HRH1: variants seen among roughly 807,000 people sequenced by gnomAD.
The protein encoded by HRH1 is histamine H1 receptor.
Under a neutral mutation model 10.3 loss-of-function variants are expected in HRH1, and 6 were observed. That is an observed-to-expected ratio of 0.58 (90% confidence interval 0.32 to 1.15). The LOEUF (loss-of-function observed/expected upper bound fraction) is 1.15. Among genes scored for constraint, HRH1 ranks in the 50% most tolerant of loss-of-function variants. HRH1 has a pLI of 0.05. For synonymous variants in HRH1, 242 were observed against 236.7 expected (o/e 1.02, Z -0.21); for missense variants, 514 against 615.3 (o/e 0.84, Z 1.74).
rs898264802 is a variant in HRH1 at position 11,262,922 on chromosome 3, C to G, written c.*2421C>G. On this transcript the variant is annotated 3_prime_UTR_variant, in exon 2 of 2. Transcript: ENST00000431010. ...AACATGCTGAGCACATACCATGTGC[C>G]AGGCTTTGTGTTTTATCTAATGTTA... 2 of 167,054 alleles carry G rather than the reference C, an allele frequency of 1.2e-5. No homozygotes were observed. Among genetic ancestry groups the G allele is most frequent in the Non-Finnish European group, 2.9e-5 (2 of 68,132 alleles). 10.3% of individuals were successfully genotyped at this position (167,054 alleles called of 1,614,324 possible).
In HRH1 at chr3:11,165,262, G is replaced by C. The variant is rs574368920; in HGVS notation, c.-36+10708G>C. On this transcript the variant is annotated intron_variant, in intron 1 of 1. Transcript: ENST00000431010. ...ATTTGGGGCAATAGCCCAGCACTTT[G>C]TAATCCTTCTCATTCTCCGCTTGGT... is the stretch of plus-strand genomic sequence containing the variant. Among the ~76,000 whole-genome samples, 15 of 152,266 alleles carry C rather than the reference G, an allele frequency of 9.9e-5. No individual in the cohort carries two copies. The East Asian group carries it at 2.9e-3, about 29-fold the overall frequency.
chr3:11,154,107 A>T (rs1475351705), upstream of HRH1, among the ~76,000 whole-genome samples: 2 of 151,986 alleles, frequency 1.3e-5, no homozygotes, highest in African/African-American at 2.4e-5. The surrounding 1 kb of genome is among the most constrained non-coding windows in gnomAD (Gnocchi z 4.4). Context: ...GTCTTGATTT[A>T]TCTCTGTCTG....
At chr3:11,217,528 C>T (rs1938553087) in intron 1 of HRH1, among the ~76,000 whole-genome samples, 1 of 148,800 alleles carries the variant, frequency 6.7e-6, no homozygotes, top group East Asian at 2.0e-4. Flanking sequence ...GACTTGGTCT[C>T]AAAAAAAAAG....
chr3:11,246,947 A>T (rs1366368458), intron 1 of HRH1, among the ~76,000 whole-genome samples: 1 of 152,172 alleles, frequency 6.6e-6, no homozygotes, highest in Non-Finnish European at 1.5e-5. Context: ...GCTACTCAGG[A>T]GGCTGAGGTG....
intron 1 of HRH1, among the ~76,000 whole-genome samples, chr3:11,157,978 C>T (rs1242606509): frequency 1.3e-5 from 2 of 152,206 alleles, no homozygotes; most frequent in Non-Finnish European, 2.9e-5. Context: ...GAGCAGGCAG[C>T]ACATTTGTTT....
At chr3:11,233,762 G>A (rs1939103038) in intron 1 of HRH1, among the ~76,000 whole-genome samples, 2 of 152,198 alleles carry the variant, frequency 1.3e-5, no homozygotes, top group Admixed American at 1.3e-4. Flanking sequence ...TCGAGGTCAG[G>A]ATGGGTTTGC....
At chr3:11,149,781 G>C (rs896025849), upstream of HRH1, among the ~76,000 whole-genome samples, 1 of 152,230 alleles carries the variant, frequency 6.6e-6, no homozygotes, top group East Asian at 1.9e-4. Context: ...CAGCGTATAT[G>C]AACGTTCACT....
At chr3:11,157,291 G>T (rs1299546104) in intron 1 of HRH1, among the ~76,000 whole-genome samples, 1 of 152,056 alleles carries the variant, frequency 6.6e-6, no homozygotes, top group African/African-American at 2.4e-5. Context: ...GTGGAGAAAA[G>T]AAGGAAAAAA....
intron 1 of HRH1, among the ~76,000 whole-genome samples, chr3:11,191,942 A>G (rs1241423097): frequency 6.6e-6 from 1 of 152,206 alleles, no homozygotes; most frequent in Non-Finnish European, 1.5e-5. Context: ...AATTGAATGC[A>G]GTGCTAGACT....
At chr3:11,155,331 A>G (rs967768752) in intron 1 of HRH1, among the ~76,000 whole-genome samples, 3 of 152,258 alleles carry the variant, frequency 2.0e-5, no homozygotes, top group Middle Eastern at 3.4e-3. Context: ...GGTGACAGAA[A>G]AGCATCGGGG....
intron 1 of HRH1, among the ~76,000 whole-genome samples, chr3:11,246,629 A>G (rs906563465): frequency 2.6e-5 from 4 of 152,260 alleles, no homozygotes; most frequent in African/African-American, 7.2e-5. Flanking sequence ...CATTGCAGAC[A>G]TTGTTAGATT....
intron 1 of HRH1, among the ~76,000 whole-genome samples, chr3:11,193,810 G>C (rs148595580): frequency 6.6e-6 from 1 of 152,180 alleles, no homozygotes; most frequent in Non-Finnish European, 1.5e-5. Flanking sequence ...TCTCGTGTAA[G>C]AGCACTAATC....
intron 1 of HRH1, among the ~76,000 whole-genome samples, chr3:11,195,120 G>A (rs1209604749): frequency 1.3e-5 from 2 of 152,084 alleles, no homozygotes; most frequent in East Asian, 1.9e-4. Context: ...ACATCCAGCC[G>A]AAACCTTTGA....
At chr3:11,153,940 G>A (rs1360769287), upstream of HRH1, among the ~76,000 whole-genome samples, 3 of 152,286 alleles carry the variant, frequency 2.0e-5, no homozygotes, top group Admixed American at 6.5e-5. Context: ...GGTTCCTACT[G>A]TCAATCTTGT....
intron 1 of HRH1, among the ~76,000 whole-genome samples, chr3:11,246,943 C>T (rs1384568976): frequency 6.6e-6 from 1 of 152,122 alleles, no homozygotes; most frequent in Non-Finnish European, 1.5e-5. Flanking sequence ...CCCAGCTACT[C>T]AGGAGGCTGA....
At position 11,206,189 on chromosome 3, in the gene HRH1, A is replaced by G. The variant is rs1240481108; in HGVS notation, c.-36+51635A>G. 2.6e-5 allele frequency among the ~76,000 whole-genome samples: 4 copies of G among 152,248 alleles called. No homozygotes were observed. In the East Asian group the frequency reaches 5.8e-4, roughly 22 times the overall value. ...GAGTGCAATGGTGCAATCTCGGCCC[A>G]CTGCAACTTCTGCCTCCCAGGTTCA... On this transcript the variant is annotated intron_variant, in intron 1 of 1. Coordinates refer to ENST00000431010, the MANE Select transcript of HRH1 (RefSeq NM_001098212.2).
chr3:11,143,635 C>T (rs766492937), intron 1 of HRH1, among the ~76,000 whole-genome samples: 1 of 152,226 alleles, frequency 6.6e-6, no homozygotes, highest in Non-Finnish European at 1.5e-5. Flanking sequence ...CTAACCCCTC[C>T]AGTCTCCCTT....
At position 11,179,427 on chromosome 3, in the gene HRH1, C is replaced by T. The variant is rs887570785; in HGVS notation, c.-36+24873C>T. ...CGAGGTCAGGAGATCTAGAGCATCC[C>T]GGCTAACATGGTGAAACCCCGTCTC... On this transcript the variant is annotated intron_variant, in intron 1 of 1. Coordinates refer to ENST00000431010, the MANE Select transcript of HRH1 (RefSeq NM_001098212.2). Among the ~76,000 whole-genome samples, 7 of 151,274 alleles carry T rather than the reference C, an allele frequency of 4.6e-5. No individual in the cohort carries two copies. The South Asian group carries it at 1.3e-3, about 27-fold the overall frequency.
rs549839858 is a variant in HRH1 at position 11,259,650 on chromosome 3, C to T, written c.613C>T (p.Leu205Phe). ...AIINFYLPTL[L>F]MLWFYAKIYK... ...CATCAACTTCTACCTGCCCACCTTG[C>T]TCATGCTCTGGTTCTATGCCAAGAT... Residue 205 changes from leucine (L) to phenylalanine (F), a missense_variant, in exon 2 of 2, where the codon CTC (leucine) becomes TTC (phenylalanine). By Grantham distance (22) the Leu-to-Phe change is conservative (BLOSUM62 0). Coordinates refer to ENST00000431010, the MANE Select transcript of HRH1 (RefSeq NM_001098212.2). The surrounding 1 kb of genome is among the most constrained non-coding windows in gnomAD (Gnocchi z 4.6). 2 of 1,613,974 alleles carry T rather than the reference C, an allele frequency of 1.2e-6. No homozygotes were observed. Among genetic ancestry groups the T allele is most frequent in the Admixed American group, 1.7e-5 (1 of 60,010 alleles).
Sources: gnomAD v4.1 joint callset for allele counts (sites outside exome capture counted in the v4.1 genomes callset) on GRCh38, gnomAD v4.1.1 for gene constraint, Gnocchi (gnomAD v3.1) non-coding constraint, MANE v1.5 for transcripts, NCBI Gene and HGNC (gene_info 2026-07-23, HGNC 2026-07-21) for gene names.